Variants in TMCC2 observed in about 807,000 individuals in gnomAD.
TMCC2 encodes the protein transmembrane and coiled-coil domain family 2.
Under a neutral mutation model 49.4 loss-of-function variants are expected in TMCC2, and 16 were observed. That is an observed-to-expected ratio of 0.32 (90% confidence interval 0.22 to 0.49). The LOEUF is 0.49. TMCC2 is among the 20% of genes least tolerant of loss of function. The pLI is 0.99. For missense variants in TMCC2, 762 were observed against 989.8 expected (o/e 0.77, Z 3.09); for synonymous variants, 397 against 434.1 (o/e 0.91, Z 1.06).
rs889258502 is a variant in TMCC2 at position 205,227,947 on chromosome 1, C to T, written c.-618C>T. On this transcript the variant is annotated 5_prime_UTR_variant, in exon 1 of 5. Transcript: ENST00000358024. Reference sequence around the variant, plus strand: ...GGAGGCAGCCGGGCGGGGTAGGTTGCGCGCTCGCCGCGGGCTCGGGCCGCG... The same window carrying T: ...GGAGGCAGCCGGGCGGGGTAGGTTGTGCGCTCGCCGCGGGCTCGGGCCGCG... Among the ~76,000 whole-genome samples, 14 of 151,646 alleles carry T rather than the reference C, an allele frequency of 9.2e-5. No homozygotes were observed. The highest frequency in any genetic ancestry group is 2.4e-4 in the African/African-American group (10 of 41,492).
rs747366355 is a variant in TMCC2, at chr1:205,228,545, C to G, written c.-20C>G. Reference sequence around the variant, plus strand: ...CGGCGCGCTGGAAGGACAGATTCCCCTTGCCGACCCACATACACCATGAAG... The same window carrying G: ...CGGCGCGCTGGAAGGACAGATTCCCGTTGCCGACCCACATACACCATGAAG... On this transcript the variant is annotated 5_prime_UTR_variant, in exon 1 of 5. Transcript: ENST00000358024. 6.3e-7 allele frequency: 1 copy of G among 1,582,128 alleles called. No homozygotes were observed. The highest frequency in any genetic ancestry group is 8.6e-7 in the Non-Finnish European group (1 of 1,158,280).
chr1:205,262,312 C>T (rs1279884558), intron 2 of TMCC2, among the ~76,000 whole-genome samples: 2 of 152,174 alleles, frequency 1.3e-5, no homozygotes, highest in African/African-American at 4.8e-5. Flanking sequence ...GACTCCCAGG[C>T]TGGAATCTTG....
rs1392357555 is a variant in TMCC2, at chr1:205,262,943, G to A, written c.748-6007G>A. Among the ~76,000 whole-genome samples, 4 of 152,248 alleles carry A rather than the reference G, an allele frequency of 2.6e-5. No homozygotes were observed. The East Asian group carries it at 5.8e-4, about 22-fold the overall frequency. ...TGGTGAGTCCGTAGTAAAAGTCTCTGGTTGGCAGGGGGAGTTATTGAAGGG... is the reference window on the plus strand; with the variant it reads ...TGGTGAGTCCGTAGTAAAAGTCTCTAGTTGGCAGGGGGAGTTATTGAAGGG... On this transcript the variant is annotated intron_variant, in intron 2 of 4. Coordinates refer to ENST00000358024, the MANE Select transcript of TMCC2 (RefSeq NM_014858.4).
chr1:205,242,628 A>C (rs890130748), intron 2 of TMCC2, among the ~76,000 whole-genome samples: 3 of 152,182 alleles, frequency 2.0e-5, no homozygotes, highest in African/African-American at 7.2e-5. Flanking sequence ...TCGTGTAACA[A>C]GTATCTATTG....
rs376534527 is a variant in TMCC2 at position 205,253,155 on chromosome 1, A to G, written c.747+11111A>G. On this transcript the variant is annotated intron_variant, in intron 2 of 4. Coordinates refer to ENST00000358024, the MANE Select transcript of TMCC2 (RefSeq NM_014858.4). Reference sequence around the variant, plus strand: ...GTCTCTACAAGAAAAAGCAAGAAAAATAAGATGATTTTAAAAGGGCAGTGG... The same window carrying G: ...GTCTCTACAAGAAAAAGCAAGAAAAGTAAGATGATTTTAAAAGGGCAGTGG... 7.2e-5 allele frequency among the ~76,000 whole-genome samples: 11 copies of G among 152,218 alleles called. No individual in the cohort carries two copies. In the East Asian group the frequency reaches 1.9e-3, roughly 27 times the overall value.
chr1:205,235,287 C>T (rs1659993969), intron 1 of TMCC2, among the ~76,000 whole-genome samples: 1 of 152,162 alleles, frequency 6.6e-6, no homozygotes, highest in African/African-American at 2.4e-5. Context: ...ACGAAACTCC[C>T]TGTTCTCCTG....
At chr1:205,240,015 T>C (rs1396021873) in intron 1 of TMCC2, among the ~76,000 whole-genome samples, 2 of 152,200 alleles carry the variant, frequency 1.3e-5, no homozygotes, top group African/African-American at 4.8e-5. Flanking sequence ...TTTTGGAACA[T>C]TTTTTAAATG....
intron 2 of TMCC2, among the ~76,000 whole-genome samples, chr1:205,253,955 A>C (rs967795187): frequency 3.9e-5 from 6 of 152,184 alleles, no homozygotes; most frequent in South Asian, 2.1e-4. Flanking sequence ...TACCATTTGC[A>C]GCTAGGAGAA....
chr1:205,245,263 G>A (rs965890323), intron 2 of TMCC2, among the ~76,000 whole-genome samples: 1 of 152,228 alleles, frequency 6.6e-6, no homozygotes, highest in Non-Finnish European at 1.5e-5. Flanking sequence ...TGAGGGCTCC[G>A]GGGCAAGTGG....
chr1:205,258,033 A>C (rs1385113460), intron 2 of TMCC2, among the ~76,000 whole-genome samples: 2 of 152,194 alleles, frequency 1.3e-5, no homozygotes, highest in East Asian at 1.9e-4. Flanking sequence ...GCTAGAAGCC[A>C]AGGGTTAGAT....
intron 2 of TMCC2, among the ~76,000 whole-genome samples, chr1:205,247,845 G>T (rs1312247430): frequency 6.6e-6 from 1 of 152,144 alleles, no homozygotes; most frequent in Non-Finnish European, 1.5e-5. Flanking sequence ...AGCCCTGGCG[G>T]GGTTGAGTTA....
chr1:205,232,994 G>A (rs1456003355), intron 1 of TMCC2, among the ~76,000 whole-genome samples: 17 of 105,316 alleles, frequency 1.6e-4, no homozygotes, highest in African/African-American at 4.3e-4. Context: ...AACAACAACC[G>A]AAAAAAAAAA....
chr1:205,227,999 T>A lies in TMCC2; in HGVS notation c.-566T>A, dbSNP rs1012052118. 4.0e-5 allele frequency among the ~76,000 whole-genome samples: 6 copies of A among 148,542 alleles called. No individual in the cohort carries two copies. Among genetic ancestry groups the A allele is most frequent in the Non-Finnish European group, 9.0e-5 (6 of 66,706 alleles). On this transcript the variant is annotated 5_prime_UTR_variant, in exon 1 of 5. Coordinates refer to ENST00000358024, the MANE Select transcript of TMCC2 (RefSeq NM_014858.4). ...TCGCGGCTTTGCGGCAGGCTGCGCG[T>A]CAGGCGGGGAGCGGGGCGCGCGGGC...
chr1:205,243,378 C>T (rs555412068), intron 2 of TMCC2, among the ~76,000 whole-genome samples: 4 of 150,224 alleles, frequency 2.7e-5, no homozygotes, highest in South Asian at 4.2e-4. Context: ...AGCGAGACTT[C>T]GTCTCAAAAA....
At position 205,271,989 on chromosome 1, in the gene TMCC2, C is replaced by T. The variant is rs1279948406; in HGVS notation, c.1995C>T (p.Ala665=). Residue 665 remains alanine (A), a synonymous_variant, in exon 5 of 5, where the codon GCC becomes GCT. Transcript: ENST00000358024. ...AVLLVFVSTI[A]NFITPLMKTR... ...TGCTGGTGTTCGTGTCCACCATCGC[C>T]AACTTCATCACGCCCCTCATGAAGA... 1 of 1,614,200 alleles carries T rather than the reference C, an allele frequency of 6.2e-7. No individual in the cohort carries two copies. The highest frequency in any genetic ancestry group is 8.5e-7 in the Non-Finnish European group (1 of 1,180,042).
At chr1:205,232,652 C>A (rs182732924) in intron 1 of TMCC2, among the ~76,000 whole-genome samples, 1 of 151,948 alleles carries the variant, frequency 6.6e-6, no homozygotes, top group South Asian at 2.1e-4. Context: ...GCATACGGGC[C>A]GGGAGCGGTG....
In TMCC2 at chr1:205,238,330, C is replaced by T. The variant is rs61823975; in HGVS notation, c.208-3175C>T. Among the ~76,000 whole-genome samples the T allele has an allele frequency of 3.9e-5, 6 of 152,136 alleles. No homozygotes were observed. In the East Asian group the frequency reaches 9.6e-4, roughly 24 times the overall value. ...ACATGCAGAAGCGGCCCAGCCCTTGCGTCACTTTGCTGTTCCCGCCTCGCA... is the reference window on the plus strand; with the variant it reads ...ACATGCAGAAGCGGCCCAGCCCTTGTGTCACTTTGCTGTTCCCGCCTCGCA... On this transcript the variant is annotated intron_variant, in intron 1 of 4. Transcript: ENST00000358024.
intron 2 of TMCC2, among the ~76,000 whole-genome samples, chr1:205,242,269 A>G (rs1005088238): frequency 4.6e-5 from 7 of 152,174 alleles, no homozygotes; most frequent in African/African-American, 1.7e-4. Context: ...CTGTTTTTCA[A>G]AATTGTGTTT....
At chr1:205,229,553 G>C (rs1337082911) in intron 1 of TMCC2, 16 of 696,620 alleles carry the variant, frequency 2.3e-5, no homozygotes, top group Middle Eastern at 7.9e-4. Context: ...GGCGGGGGGG[G>C]GGGGGTGGTG....
Sources: allele counts gnomAD v4.1 joint callset (sites outside exome capture counted in the v4.1 genomes callset), GRCh38; gene constraint gnomAD v4.1.1; transcripts MANE v1.5; gene names NCBI Gene and HGNC (gene_info 2026-07-23, HGNC 2026-07-21).